RABGAP1L: variants seen among roughly 807,000 people sequenced by gnomAD.
RABGAP1L encodes rab GTPase-activating protein 1-like.
Under a neutral mutation model 137.7 loss-of-function variants are expected in RABGAP1L, and 63 were observed. That is an observed-to-expected ratio of 0.46 (90% confidence interval 0.37 to 0.56). The LOEUF (loss-of-function observed/expected upper bound fraction) is 0.56. Ranked by LOEUF, RABGAP1L falls within the 20% of genes least tolerant of loss-of-function variation. RABGAP1L has a pLI of 0.00. For missense variants in RABGAP1L, 1,095 were observed against 1,244.0 expected, an observed-to-expected ratio of 0.88 and a Z score of 1.80; for synonymous variants, 431 against 433.7, an observed-to-expected ratio of 0.99 and a Z score of 0.08.
At chr1:174,201,656 T>G (rs1668112438) in intron 1 of RABGAP1L, among the ~76,000 whole-genome samples, 1 of 152,170 alleles carries the variant, frequency 6.6e-6, no homozygotes, top group Non-Finnish European at 1.5e-5. Flanking sequence ...TTTTTTTTCT[T>G]TTTTTTAATT....
At chr1:174,342,285 A>G (rs1682042585) in intron 11 of RABGAP1L, among the ~76,000 whole-genome samples, 1 of 152,176 alleles carries the variant, frequency 6.6e-6, no homozygotes, top group South Asian at 2.1e-4. Context: ...ATGATAAACC[A>G]AATGCAATAG....
intron 13 of RABGAP1L, among the ~76,000 whole-genome samples, chr1:174,550,887 T>C (rs752731501): frequency 0.27 from 23,941 of 89,846 alleles, 3,686 homozygotes; most frequent in African/African-American, 0.28. Flanking sequence ...TATATATATA[T>C]ATATATATAC....
Position 174,841,633 on chromosome 1 carries a change from A to C in RABGAP1L, c.2340+29673A>C, listed in dbSNP as rs577183076. ...AGAGCTGATTTTTTAAAAATATGAT[A>C]TTAAGTTTATAAAATCAAAAAGTAG... On this transcript the variant is annotated intron_variant, in intron 19 of 25. Transcript: ENST00000681986. Among the ~76,000 whole-genome samples the C allele has an allele frequency of 3.3e-5, 5 of 152,228 alleles. No individual in the cohort carries two copies. In the East Asian group the frequency reaches 9.6e-4, roughly 29 times the overall value.
chr1:174,736,572 C>G (rs559245982), intron 17 of RABGAP1L, among the ~76,000 whole-genome samples: 1 of 152,362 alleles, frequency 6.6e-6, no homozygotes, highest in Non-Finnish European at 1.5e-5. Flanking sequence ...TAGGCAGTGC[C>G]CTGGTGGAGG....
chr1:174,770,228 G>A (rs1573107908), intron 18 of RABGAP1L, among the ~76,000 whole-genome samples: 2 of 152,034 alleles, frequency 1.3e-5, no homozygotes, highest in African/African-American at 4.8e-5. Flanking sequence ...ACTTTCTCTA[G>A]TGCATCTTCA....
At chr1:174,840,133 A>C (rs936112061) in intron 19 of RABGAP1L, among the ~76,000 whole-genome samples, 3 of 152,246 alleles carry the variant, frequency 2.0e-5, no homozygotes, top group Admixed American at 2.0e-4. Context: ...AGCACAGAAC[A>C]GCATAGCATT....
rs1673308859 is a variant in RABGAP1L at position 174,630,775 on chromosome 1, TTC to T, written c.1711-6594_1711-6593del. Among the ~76,000 whole-genome samples the T allele has an allele frequency of 2.1e-5, 3 of 146,278 alleles. 1 individual carries two copies. The highest frequency in any genetic ancestry group is 2.0e-4 in the Admixed American group (3 of 14,760). ...ATTTTTTATTGCATCTATTTGATTC[TTC>T]TCTCTTTTTTTCTTTATTAGTCTTG... On this transcript the variant is annotated intron_variant, in intron 13 of 25. Coordinates refer to ENST00000681986, the MANE Select transcript of RABGAP1L (RefSeq NM_001366446.1).
chr1:174,784,298 C>T (rs1032497995), intron 18 of RABGAP1L, among the ~76,000 whole-genome samples: 2 of 152,090 alleles, frequency 1.3e-5, no homozygotes, highest in Non-Finnish European at 2.9e-5. Flanking sequence ...GGATTACAGG[C>T]TTGAGCCACC....
intron 1 of RABGAP1L, among the ~76,000 whole-genome samples, chr1:174,193,165 C>G (rs887043331): frequency 6.6e-6 from 1 of 152,156 alleles, no homozygotes; most frequent in African/African-American, 2.4e-5. Context: ...CTTAACAAAT[C>G]AAACCTCGAA....
chr1:174,630,429 C>G (rs1258185951), intron 13 of RABGAP1L, among the ~76,000 whole-genome samples: 7 of 81,796 alleles, frequency 8.6e-5, no homozygotes, highest in African/African-American at 2.1e-4. Context: ...GGAGGATTCC[C>G]TCTTTTTCTA....
intron 13 of RABGAP1L, among the ~76,000 whole-genome samples, chr1:174,573,404 C>A (rs1002620783): frequency 6.6e-6 from 1 of 151,784 alleles, no homozygotes; most frequent in African/African-American, 2.4e-5. Flanking sequence ...AAAATGTTAC[C>A]ATCAAAAGTC....
intron 18 of RABGAP1L, among the ~76,000 whole-genome samples, chr1:174,770,585 C>G (rs1686037218): frequency 6.6e-6 from 1 of 152,154 alleles, no homozygotes; most frequent in African/African-American, 2.4e-5. Context: ...ATACAAGCTC[C>G]CTTGACAGAG....
At chr1:174,933,803 T>C (rs1439710187) in intron 19 of RABGAP1L, among the ~76,000 whole-genome samples, 1 of 152,174 alleles carries the variant, frequency 6.6e-6, no homozygotes, top group Non-Finnish European at 1.5e-5. Flanking sequence ...ACTCCCTGGT[T>C]GTCAAGGTCT....
At chr1:174,259,646 A>C (rs1018515159) in intron 7 of RABGAP1L, among the ~76,000 whole-genome samples, 1 of 152,194 alleles carries the variant, frequency 6.6e-6, no homozygotes, top group African/African-American at 2.4e-5. Flanking sequence ...AACTGTTCTC[A>C]AGTCATGAAA....
intron 1 of RABGAP1L, among the ~76,000 whole-genome samples, chr1:174,192,573 C>T (rs1367640570): frequency 5.9e-5 from 9 of 152,112 alleles, no homozygotes; most frequent in East Asian, 1.9e-4. Context: ...CCACCTGTCT[C>T]GGCCTCCCAA....
chr1:174,635,662 T>C (rs1673953698), intron 13 of RABGAP1L, among the ~76,000 whole-genome samples: 1 of 152,238 alleles, frequency 6.6e-6, no homozygotes, highest in South Asian at 2.1e-4. Context: ...AATTCAGGTT[T>C]AGCATTTCAT....
chr1:174,327,998 T>TATATATATATACATAC (rs1680674158), intron 11 of RABGAP1L, among the ~76,000 whole-genome samples: 3 of 90,120 alleles, frequency 3.3e-5, no homozygotes, highest in African/African-American at 1.5e-4. Flanking sequence ...TATATATATA[T>TATATATATATACATAC]ATATATATAT....
intron 13 of RABGAP1L, among the ~76,000 whole-genome samples, chr1:174,487,538 G>T (rs1256297295): frequency 6.6e-6 from 1 of 151,904 alleles, no homozygotes; most frequent in Non-Finnish European, 1.5e-5. Context: ...TGTTTTTCTT[G>T]TAGGCAACAG....
chr1:174,579,681 T>A (rs1466385698), intron 13 of RABGAP1L, among the ~76,000 whole-genome samples: 1 of 152,196 alleles, frequency 6.6e-6, no homozygotes, highest in Non-Finnish European at 1.5e-5. Flanking sequence ...CTATCTCACA[T>A]CATATACAAA....
Sources: allele counts gnomAD v4.1 joint callset (sites outside exome capture counted in the v4.1 genomes callset), GRCh38; gene constraint gnomAD v4.1.1; transcripts MANE v1.5; gene names NCBI Gene and HGNC (gene_info 2026-07-23, HGNC 2026-07-21).